The following TAFA2 variants were observed in gnomAD, a reference collection of about 807,000 sequenced individuals.
The protein encoded by TAFA2 is chemokine-like protein TAFA-2.
A neutral mutation model predicts 18.8 loss-of-function variants in TAFA2; 7 were observed. The ratio of observed to expected loss-of-function variants is 0.37; its 90% CI spans 0.21 to 0.70. The LOEUF (loss-of-function observed/expected upper bound fraction) is 0.70, where lower values mean the gene tolerates loss of function less well. Among genes scored for constraint, TAFA2 ranks in the 30% least tolerant of loss-of-function variants. The probability of loss-of-function intolerance (pLI) is 0.53; values close to 1 mark genes in which losing one functional copy is unlikely to be tolerated. For missense variants in TAFA2, 122 were observed against 158.1 expected (o/e 0.77, Z 1.23); for synonymous variants, 60 against 54.2 (o/e 1.11, Z -0.47).
At chr12:62,067,698 C>T (rs1882526497) in intron 1 of TAFA2, among the ~76,000 whole-genome samples, 1 of 151,936 alleles carries the variant, frequency 6.6e-6, no homozygotes, top group African/African-American at 2.4e-5. Context: ...CAGTACCATG[C>T]CATTTTAGTT....
chr12:61,957,384 G>A (rs897328840), intron 1 of TAFA2, among the ~76,000 whole-genome samples: 25 of 152,112 alleles, frequency 1.6e-4, no homozygotes, highest in African/African-American at 6.0e-4. Context: ...AAAGACAGCT[G>A]GGGATTGTAG....
intron 2 of TAFA2, among the ~76,000 whole-genome samples, chr12:61,863,326 G>T (rs772177486): frequency 6.6e-6 from 1 of 152,174 alleles, no homozygotes; most frequent in Non-Finnish European, 1.5e-5. Flanking sequence ...AATATATTAG[G>T]TATACAGATG....
At chr12:61,807,429 G>T (rs905140518) in intron 2 of TAFA2, among the ~76,000 whole-genome samples, 1 of 151,382 alleles carries the variant, frequency 6.6e-6, no homozygotes, top group Non-Finnish European at 1.5e-5. Context: ...GTTTACTGCT[G>T]GGCTGGGGCT....
At chr12:61,831,850 C>T (rs1872732232) in intron 2 of TAFA2, among the ~76,000 whole-genome samples, 1 of 152,034 alleles carries the variant, frequency 6.6e-6, no homozygotes, top group African/African-American at 2.4e-5. Flanking sequence ...TCCCTCTCCC[C>T]TCCCGCTACC....
At chr12:62,088,747 A>G (rs1436648666) in intron 1 of TAFA2, among the ~76,000 whole-genome samples, 7 of 151,904 alleles carry the variant, frequency 4.6e-5, no homozygotes, top group Non-Finnish European at 5.9e-5. Context: ...ACCAAGAAAC[A>G]TATTTTTCTA....
intron 2 of TAFA2, among the ~76,000 whole-genome samples, chr12:61,765,674 T>C (rs7484594): frequency 0.28 from 42,889 of 151,936 alleles, 6,765 homozygotes; most frequent in South Asian, 0.37. Flanking sequence ...TGAGGGTAAA[T>C]TGAGCTAACC....
chr12:61,797,147 A>G (rs1871220719), intron 2 of TAFA2, among the ~76,000 whole-genome samples: 1 of 152,188 alleles, frequency 6.6e-6, no homozygotes, highest in African/African-American at 2.4e-5. Context: ...TGGTTGTAGA[A>G]TGGTTAACAG....
intron 1 of TAFA2, among the ~76,000 whole-genome samples, chr12:61,977,780 G>A (rs2136673073): frequency 6.6e-6 from 1 of 152,094 alleles, no homozygotes; most frequent in Middle Eastern, 3.4e-3. Context: ...ATAAATCAAT[G>A]CAAAACAGCC....
chr12:62,099,201 A>G (rs1869079815), intron 1 of TAFA2, among the ~76,000 whole-genome samples: 1 of 152,162 alleles, frequency 6.6e-6, no homozygotes, highest in Non-Finnish European at 1.5e-5. Flanking sequence ...CAATAGTGTA[A>G]GTCTATAGAA....
At chr12:62,100,228 GTTTAACTATTATA>G (rs1249335692) in intron 1 of TAFA2, among the ~76,000 whole-genome samples, 1 of 151,466 alleles carries the variant, frequency 6.6e-6, no homozygotes, top group Non-Finnish European at 1.5e-5. Flanking sequence ...ACACCATGTT[GTTTAACTATTATA>G]TGTTCATTGA....
chr12:61,922,125 T>C (rs1877078652), intron 1 of TAFA2, among the ~76,000 whole-genome samples: 1 of 152,052 alleles, frequency 6.6e-6, no homozygotes, highest in Non-Finnish European at 1.5e-5. Context: ...GAGCAAGTGC[T>C]GCAAAATAAT....
At chr12:62,135,423 G>C (rs1870856879) in intron 1 of TAFA2, among the ~76,000 whole-genome samples, 1 of 151,998 alleles carries the variant, frequency 6.6e-6, no homozygotes. Context: ...TCGCAAGATT[G>C]CCATCAGATT....
chr12:61,972,254 A>G (rs948099601), intron 1 of TAFA2, among the ~76,000 whole-genome samples: 1 of 151,268 alleles, frequency 6.6e-6, no homozygotes, highest in Non-Finnish European at 1.5e-5. Flanking sequence ...ACTGGCCTAA[A>G]TGTAAGAGAC....
At chr12:62,177,750 C>A (rs998978003) in intron 1 of TAFA2, among the ~76,000 whole-genome samples, 1 of 152,096 alleles carries the variant, frequency 6.6e-6, no homozygotes, top group Non-Finnish European at 1.5e-5. Context: ...TAAGCCAGGA[C>A]CCATTATTGA....
intron 1 of TAFA2, among the ~76,000 whole-genome samples, chr12:62,109,220 CAT>C (rs1185721091): frequency 6.6e-6 from 1 of 152,160 alleles, no homozygotes; most frequent in Non-Finnish European, 1.5e-5. Context: ...CTCCCAACAC[CAT>C]TTATTAAATA....
At chr12:61,895,150 C>T (rs1287160950) in intron 1 of TAFA2, among the ~76,000 whole-genome samples, 3 of 151,876 alleles carry the variant, frequency 2.0e-5, no homozygotes, top group Non-Finnish European at 2.9e-5. Context: ...GATAGAAGCA[C>T]GGATGGATGT....
At chr12:62,029,649 G>T (rs1333010616) in intron 1 of TAFA2, among the ~76,000 whole-genome samples, 1 of 152,042 alleles carries the variant, frequency 6.6e-6, no homozygotes, top group Non-Finnish European at 1.5e-5. Context: ...GATTATAAAG[G>T]CAAAGGAAAG....
At chr12:61,920,852 G>A (rs1293801891) in intron 1 of TAFA2, among the ~76,000 whole-genome samples, 8 of 150,404 alleles carry the variant, frequency 5.3e-5, no homozygotes, top group Non-Finnish European at 1.2e-4. Flanking sequence ...ATGCTCTGGG[G>A]AGAAAAAAAA....
intron 2 of TAFA2, among the ~76,000 whole-genome samples, chr12:61,844,616 A>G (rs1873326456): frequency 6.6e-6 from 1 of 152,172 alleles, no homozygotes; most frequent in Non-Finnish European, 1.5e-5. Flanking sequence ...TTTGAAATGA[A>G]AGTAAACAGA....
Sources: gnomAD v4.1 joint callset for allele counts (sites outside exome capture counted in the v4.1 genomes callset) on GRCh38, gnomAD v4.1.1 for gene constraint, MANE v1.5 for transcripts, NCBI Gene and HGNC (gene_info 2026-07-23, HGNC 2026-07-21) for gene names.